Variants in SLCO4A1 observed in about 807,000 individuals in gnomAD.
The protein encoded by SLCO4A1 is colon organic anion transporter.
In SLCO4A1, 51 loss-of-function variants were observed where a neutral mutation model predicts 64.6. The observed-to-expected ratio is 0.79, with a 90% CI of 0.63 to 1.00. The LOEUF (loss-of-function observed/expected upper bound fraction) is 1.00. Ranked by LOEUF, SLCO4A1 falls within the 50% of genes least tolerant of loss-of-function variation. The pLI, the probability that SLCO4A1 is intolerant of heterozygous loss-of-function variation, is 0.00. For synonymous variants in SLCO4A1, 471 were observed against 444.9 expected (o/e 1.06, Z -0.74); for missense variants, 919 against 980.5 (o/e 0.94, Z 0.84).
chr20:62,663,839 C>T (rs1253168336), intron 5 of SLCO4A1, among the ~76,000 whole-genome samples: 1 of 152,230 alleles, frequency 6.6e-6, no homozygotes, highest in African/African-American at 2.4e-5. Flanking sequence ...TCCCTTCTGT[C>T]TGCCTCGATC....
intron 1 of SLCO4A1, among the ~76,000 whole-genome samples, chr20:62,646,902 C>T (rs1366686931): frequency 1.3e-5 from 2 of 152,262 alleles, no homozygotes; most frequent in South Asian, 2.1e-4. Flanking sequence ...TGGCTTCACC[C>T]GTCCTCCCCA....
intron 7 of SLCO4A1, 97 bp from the exon 8 acceptor site, chr20:62,667,648 G>C: frequency 7.1e-7 from 1 of 1,417,750 alleles, no homozygotes; most frequent in South Asian, 1.4e-5. Flanking sequence ...CGAAATGCAG[G>C]CTGCATGGGG....
downstream of SLCO4A1, among the ~76,000 whole-genome samples, chr20:62,688,924 G>A (rs115338045): frequency 7.1e-3 from 1,081 of 152,350 alleles, 14 homozygotes; most frequent in African/African-American, 0.024. Flanking sequence ...ACGAGTACAA[G>A]CCTCAGCATG....
downstream of SLCO4A1, among the ~76,000 whole-genome samples, chr20:62,687,174 G>GCCCCCAAACAGCGATGGAAAGGGCA (rs1988093092): frequency 3.6e-5 from 5 of 138,094 alleles, no homozygotes; most frequent in African/African-American, 1.5e-4. Context: ...TGGAAAGGGC[G>GCCCCCAAACAGCGATGGAAAGGGCA]CCCCCAAACA....
Position 62,666,448 on chromosome 20 carries a change from C to G in SLCO4A1, c.1345C>G (p.Leu449Val). The G allele has an allele frequency of 1.9e-6, 3 of 1,613,468 alleles. No homozygotes were observed. Among genetic ancestry groups the G allele is most frequent in the South Asian group, 2.2e-5 (2 of 91,084 alleles). The change falls in exon 7 of 12, where the codon CTC (leucine) becomes GTC (valine). Residue 449 changes from leucine to valine, a missense_variant. By Grantham distance (32) the Leu-to-Val change is conservative. Transcript: ENST00000217159. ...CGGCTTCTTTGTGAACAAGCTCAGG[C>G]TCCGGGGCTCCGCGGTCATCAAGTT... is the stretch of plus-strand genomic sequence containing the variant. ...LGGFFVNKLR[L>V]RGSAVIKFCL... is the part of the protein sequence containing the mutation.
intron 6 of SLCO4A1, 54 bp downstream of exon 6, chr20:62,665,142 A>G: frequency 1.3e-6 from 2 of 1,553,534 alleles, no homozygotes; most frequent in Non-Finnish European, 8.7e-7. Flanking sequence ...TCTCAGAAAC[A>G]GAGTCTTCAA....
In SLCO4A1 at chr20:62,665,206, C is replaced by A. The variant is rs1041467319; in HGVS notation, c.1276+118C>A. ...GCACATGGCAGTGAGTGCCCTCCCACCCCCGCTGCCAGAGCAGGTGTGGAG... is the reference window on the plus strand; with the variant it reads ...GCACATGGCAGTGAGTGCCCTCCCAACCCCGCTGCCAGAGCAGGTGTGGAG... On this transcript the variant is annotated intron_variant, in intron 6 of 11. Transcript: ENST00000217159. 9.5e-6 allele frequency: 11 copies of A among 1,162,980 alleles called. No homozygotes were observed. In the African/African-American group the frequency reaches 1.5e-4, roughly 16 times the overall value. The allele number at this position is 1,162,980 out of a possible 1,614,324, so 72.0% of individuals were successfully genotyped here. A position where few individuals can be genotyped will look rare whatever the true frequency, so the allele number is the denominator to read the frequency against.
At position 62,669,003 on chromosome 20, in the gene SLCO4A1, C is replaced by A; in HGVS notation, c.1950C>A (p.Gly650=). The A allele has an allele frequency of 6.2e-7, 1 of 1,610,664 alleles. No homozygotes were observed. Among genetic ancestry groups the A allele is most frequent in the African/African-American group, 1.3e-5 (1 of 75,038 alleles). Residue 650 remains glycine (G), a synonymous_variant, in exon 11 of 12, where the codon GGC becomes GGA. Transcript: ENST00000217159. ...KACLLWQDQC[G]QQGSCLVYQN... ...GTCTGCTGTGGCAGGACCAGTGTGG[C>A]CAGCAGGGCTCCTGCTTGGTGTACC...
At position 62,668,944 on chromosome 20, in the gene SLCO4A1, C is replaced by T. The variant is rs1164709385; in HGVS notation, c.1891C>T (p.Pro631Ser). 1.2e-6 allele frequency: 2 copies of T among 1,605,376 alleles called. No individual in the cohort carries two copies. The highest frequency in any genetic ancestry group is 3.3e-5 in the Admixed American group (2 of 60,022). Residue 631 changes from proline to serine, a missense_variant, in exon 11 of 12, where the codon CCC becomes TCC. Physicochemically the swap from Pro to Ser is moderately conservative, Grantham distance 74. Transcript: ENST00000217159. ...TCTCTCCGCAGGGGGCATCCCGGGG[C>T]CCATCGCCTTCGGCTGGGTGATCGA... Reference protein sequence around the residue: ...VVRILGGIPGPIAFGWVIDKA... With the variant: ...VVRILGGIPGSIAFGWVIDKA...
chr20:62,648,705 G>A (rs767133712), intron 1 of SLCO4A1, among the ~76,000 whole-genome samples: 1 of 152,228 alleles, frequency 6.6e-6, no homozygotes, highest in Non-Finnish European at 1.5e-5. Context: ...TTCCTGGGCA[G>A]CGATGGTGGT....
intron 1 of SLCO4A1, among the ~76,000 whole-genome samples, chr20:62,643,819 C>T (rs1980843976): frequency 6.6e-6 from 1 of 152,182 alleles, no homozygotes. Context: ...CTGGAATGTG[C>T]CGGGCATGGT....
intron 3 of SLCO4A1, 146 bp from the exon 4 acceptor site, chr20:62,660,266 C>A: frequency 1.1e-6 from 1 of 876,588 alleles, no homozygotes. Flanking sequence ...GACCTGTGGC[C>A]AGCAGCACCA....
chr20:62,689,495 G>T (rs1488897130), downstream of SLCO4A1, among the ~76,000 whole-genome samples: 1 of 152,196 alleles, frequency 6.6e-6, no homozygotes, highest in African/African-American at 2.4e-5. Context: ...CTCAGGTGCT[G>T]GCCCATGGCC....
At chr20:62,659,693 C>T (rs939628396) in intron 3 of SLCO4A1, among the ~76,000 whole-genome samples, 2 of 152,242 alleles carry the variant, frequency 1.3e-5, no homozygotes, top group African/African-American at 4.8e-5. Context: ...CTGGAGCAAG[C>T]AGGTGCCGCC....
intron 5 of SLCO4A1, among the ~76,000 whole-genome samples, chr20:62,662,278 G>GCCAAGC (rs1463537007): frequency 3.4e-4 from 51 of 152,014 alleles, no homozygotes; most frequent in Non-Finnish European, 6.5e-4. Context: ...GCTAAGGAGG[G>GCCAAGC]TGACCCCATG....
In SLCO4A1 at chr20:62,666,506, G is replaced by T. The variant is rs1444987942; in HGVS notation, c.1403G>T (p.Gly468Val). Residue 468 changes from glycine (G) to valine (V), a missense_variant, in exon 7 of 12, where the codon GGC becomes GTC. By Grantham distance (109) the Gly-to-Val change is moderately radical. Transcript: ENST00000217159. ...CLFCTVVSLL[G>V]ILVFSLHCPS... ...TTCTGCACCGTTGTCAGCCTGCTGGGCATCCTCGTCTTCTCACTGCACTGC... is the reference window on the plus strand; with the variant it reads ...TTCTGCACCGTTGTCAGCCTGCTGGTCATCCTCGTCTTCTCACTGCACTGC... 2 of 1,613,504 alleles carry T rather than the reference G, an allele frequency of 1.2e-6. No individual in the cohort carries two copies. The highest frequency in any genetic ancestry group is 2.2e-5 in the South Asian group (2 of 91,088).
At chr20:62,687,183 CAGG>C (rs373261237), downstream of SLCO4A1, among the ~76,000 whole-genome samples, 53 of 149,830 alleles carry the variant, frequency 3.5e-4, no homozygotes, top group African/African-American at 9.1e-4. Flanking sequence ...CGCCCCCAAA[CAGG>C]AGCGATGGAA....
chr20:62,678,976 T>C (rs1987711306), intron 2 of SLCO4A1, among the ~76,000 whole-genome samples: 2 of 152,158 alleles, frequency 1.3e-5, no homozygotes, highest in South Asian at 4.1e-4. Flanking sequence ...GCCAGCACTT[T>C]GGGAGGCCGA....
intron 7 of SLCO4A1, 35 bp downstream of exon 7, chr20:62,666,610 G>T: frequency 6.3e-7 from 1 of 1,586,794 alleles, no homozygotes; most frequent in Non-Finnish European, 8.6e-7. Flanking sequence ...ACGCGTCGGG[G>T]CCCCAAGCAC....
Sources: allele counts gnomAD v4.1 joint callset (sites outside exome capture counted in the v4.1 genomes callset), GRCh38; gene constraint gnomAD v4.1.1; transcripts MANE v1.5; gene names NCBI Gene and HGNC (gene_info 2026-07-23, HGNC 2026-07-21).